AFF3: variants seen among roughly 807,000 people sequenced by gnomAD.
The protein encoded by AFF3 is ALF transcription elongation factor 3, also known as AF4/FMR2 family member 3.
In AFF3, 32 loss-of-function variants were observed where a neutral mutation model predicts 129.7. The observed-to-expected ratio is 0.25, with a 90% CI of 0.19 to 0.33. The LOEUF (loss-of-function observed/expected upper bound fraction) is 0.33. Among genes scored for constraint, AFF3 ranks in the 10% least tolerant of loss-of-function variants. The pLI is 1.00. For synonymous variants in AFF3, 644 were observed against 635.4 expected (o/e 1.01, Z -0.20); for missense variants, 1,373 against 1,592.0 (o/e 0.86, Z 2.34).
At chr2:99,643,218 C>A (rs1285795379) in intron 13 of AFF3, among the ~76,000 whole-genome samples, 1 of 151,910 alleles carries the variant, frequency 6.6e-6, no homozygotes, top group South Asian at 2.1e-4. Flanking sequence ...CGCCACCACG[C>A]CCAGCTAATT....
intron 13 of AFF3, among the ~76,000 whole-genome samples, chr2:99,614,724 A>C (rs1185770802): frequency 6.6e-6 from 1 of 152,218 alleles, no homozygotes. Context: ...ACATTTGCTA[A>C]GAAATACAAT....
intron 13 of AFF3, among the ~76,000 whole-genome samples, chr2:99,603,924 G>C (rs1374145766): frequency 6.6e-6 from 1 of 152,202 alleles, no homozygotes; most frequent in Non-Finnish European, 1.5e-5. Flanking sequence ...ACCACACTGA[G>C]ATACCATCTC....
chr2:99,872,590 T>C (rs1691953657), intron 7 of AFF3, among the ~76,000 whole-genome samples: 1 of 116,588 alleles, frequency 8.6e-6, no homozygotes, highest in Non-Finnish European at 1.7e-5. Context: ...AAAATGCTTC[T>C]TACAAAAATA....
At chr2:100,116,178 G>A (rs1214648693) in intron 2 of AFF3, among the ~76,000 whole-genome samples, 1 of 151,782 alleles carries the variant, frequency 6.6e-6, no homozygotes, top group African/African-American at 2.4e-5. Flanking sequence ...TTGGGTTTAT[G>A]TTTGTAGGAA....
intron 4 of AFF3, among the ~76,000 whole-genome samples, chr2:100,049,325 TG>T (rs1559086558): frequency 6.6e-6 from 1 of 152,180 alleles, no homozygotes; most frequent in Admixed American, 6.5e-5. Flanking sequence ...CAATTGGAAC[TG>T]GGGGACATTC....
In AFF3 at chr2:99,979,728, C is replaced by T. The variant is rs749241506; in HGVS notation, c.873+26904G>A. 6.4e-4 allele frequency among the ~76,000 whole-genome samples: 97 copies of T among 152,264 alleles called. 2 individuals carry two copies. The highest frequency in any genetic ancestry group is 3.4e-3 in the Middle Eastern group (1 of 294). Reference sequence around the variant, plus strand: ...AAACTCCTGGCCTCAAGCAATTCCCCCTCTTGGGCCTCCCAAAGCACTGGG... The same window carrying T: ...AAACTCCTGGCCTCAAGCAATTCCCTCTCTTGGGCCTCCCAAAGCACTGGG... On this transcript the variant is annotated intron_variant, in intron 7 of 24. Transcript: ENST00000672756.
chr2:99,957,257 C>T (rs1676753981), intron 7 of AFF3, among the ~76,000 whole-genome samples: 1 of 152,136 alleles, frequency 6.6e-6, no homozygotes, highest in Non-Finnish European at 1.5e-5. Flanking sequence ...ACATAGACCC[C>T]TGAAAATCTG....
At chr2:99,823,328 T>G (rs56732630) in intron 8 of AFF3, among the ~76,000 whole-genome samples, 21,047 of 127,632 alleles carry the variant, frequency 0.16, 1,584 homozygotes, top group Admixed American at 0.28. Flanking sequence ...TGACCAAAAA[T>G]ACCATTAGGT....
At chr2:99,758,014 C>T (rs1682265885) in intron 8 of AFF3, among the ~76,000 whole-genome samples, 1 of 152,158 alleles carries the variant, frequency 6.6e-6, no homozygotes, top group Non-Finnish European at 1.5e-5. Flanking sequence ...TGTCTGGTGG[C>T]CCAGCACCTA....
intron 13 of AFF3, among the ~76,000 whole-genome samples, chr2:99,606,362 A>G (rs2105140272): frequency 6.6e-6 from 1 of 152,308 alleles, no homozygotes; most frequent in Admixed American, 6.5e-5. Flanking sequence ...GCTACCTACC[A>G]AGTTCTTGGA....
At chr2:99,716,642 G>C (rs552715782) in intron 11 of AFF3, among the ~76,000 whole-genome samples, 269 of 151,804 alleles carry the variant, frequency 1.8e-3, no homozygotes, top group African/African-American at 6.2e-3. Flanking sequence ...CAGCACTTTG[G>C]GAGGCCAAGG....
chr2:99,784,280 C>T (rs193029753), intron 8 of AFF3, among the ~76,000 whole-genome samples: 5 of 152,288 alleles, frequency 3.3e-5, no homozygotes, highest in Admixed American at 1.3e-4. Flanking sequence ...ACAAGTCTGC[C>T]GTTTTCAGCA....
intron 7 of AFF3, among the ~76,000 whole-genome samples, chr2:99,948,581 C>T (rs1236865294): frequency 6.6e-6 from 1 of 152,158 alleles, no homozygotes; most frequent in African/African-American, 2.4e-5. Flanking sequence ...ATGTAAGGTG[C>T]TCTAACTTAA....
At chr2:99,553,582 C>A (rs930423636) in intron 24 of AFF3, among the ~76,000 whole-genome samples, 1 of 151,918 alleles carries the variant, frequency 6.6e-6, no homozygotes, top group South Asian at 2.1e-4. Context: ...TATCTGTTGA[C>A]CCCCAAATTT....
chr2:100,076,623 T>C (rs1009369256), intron 4 of AFF3, among the ~76,000 whole-genome samples: 1 of 152,126 alleles, frequency 6.6e-6, no homozygotes, highest in Non-Finnish European at 1.5e-5. Context: ...GACACTGAGG[T>C]TGACTCCATT....
chr2:100,049,544 C>T (rs983454469), intron 4 of AFF3, among the ~76,000 whole-genome samples: 3 of 152,088 alleles, frequency 2.0e-5, no homozygotes, highest in Non-Finnish European at 4.4e-5. Context: ...ATAAACTGTG[C>T]ACTAGATATT....
At chr2:99,967,267 T>C (rs1389938865) in intron 7 of AFF3, among the ~76,000 whole-genome samples, 1 of 148,672 alleles carries the variant, frequency 6.7e-6, no homozygotes, top group Non-Finnish European at 1.5e-5. Context: ...CCTCTCCCAA[T>C]TTCTCTGCCT....
chr2:99,829,485 C>T (rs1198896372), intron 8 of AFF3, among the ~76,000 whole-genome samples: 1 of 152,156 alleles, frequency 6.6e-6, no homozygotes, highest in African/African-American at 2.4e-5. Context: ...TATGAACAGA[C>T]ACTTCTCAAA....
At chr2:99,714,097 T>C (rs765737487) in intron 11 of AFF3, among the ~76,000 whole-genome samples, 1 of 152,214 alleles carries the variant, frequency 6.6e-6, no homozygotes, top group Non-Finnish European at 1.5e-5. Flanking sequence ...CGCAGTCTTT[T>C]TCTATGATGG....
Sources: allele counts gnomAD v4.1 joint callset (sites outside exome capture counted in the v4.1 genomes callset), GRCh38; gene constraint gnomAD v4.1.1; transcripts MANE v1.5; gene names NCBI Gene and HGNC (gene_info 2026-07-23, HGNC 2026-07-21).